The following GLMN variants were observed in gnomAD, a reference collection of about 807,000 sequenced individuals.
The protein encoded by GLMN is glomulin, FKBP associated protein.
A neutral mutation model predicts 87.8 loss-of-function variants in GLMN; 75 were observed. The ratio of observed to expected loss-of-function variants is 0.85; its 90% CI spans 0.71 to 1.04. The LOEUF (loss-of-function observed/expected upper bound fraction) is 1.04, where lower values mean the gene tolerates loss of function less well. Among genes scored for constraint, GLMN ranks in the 50% least tolerant of loss-of-function variants. GLMN has a pLI of 0.00. For synonymous variants in GLMN, 206 were observed against 221.6 expected (o/e 0.93, Z 0.63); for missense variants, 588 against 658.8 (o/e 0.89, Z 1.18).
At chr1:92,313,926 C>G in the GLMN span, among the ~76,000 whole-genome samples, 1 of 152,200 alleles carries the variant, frequency 6.6e-6, no homozygotes, top group Admixed American at 6.5e-5. Flanking sequence ...CCAAACTTTG[C>G]TATCTTCTAC....
chr1:92,273,148 AAGTCTTTTCC>A (rs1417802122), intron 7 of GLMN, among the ~76,000 whole-genome samples: 6 of 152,186 alleles, frequency 3.9e-5, no homozygotes, highest in African/African-American at 1.4e-4. Flanking sequence ...AGCCAAGTAT[AAGTCTTTTCC>A]AGCCTTCAGG....
intron 4 of GLMN, among the ~76,000 whole-genome samples, chr1:92,290,570 A>T (rs1649291145): frequency 6.6e-6 from 1 of 152,230 alleles, no homozygotes; most frequent in South Asian, 2.1e-4. Context: ...GTCCACTCTG[A>T]AATTGCCTTA....
chr1:92,338,726 C>T, the GLMN span, among the ~76,000 whole-genome samples: 1 of 150,536 alleles, frequency 6.6e-6, no homozygotes, highest in African/African-American at 2.5e-5. Context: ...TCATGGCTCA[C>T]TGCAGCCTTA....
At chr1:92,314,204 A>C in the GLMN span, among the ~76,000 whole-genome samples, 3 of 152,208 alleles carry the variant, frequency 2.0e-5, no homozygotes, top group Non-Finnish European at 4.4e-5. Flanking sequence ...TCAGCTTTTG[A>C]CATGCCTTCC....
At chr1:92,331,026 C>T in the GLMN span, among the ~76,000 whole-genome samples, 27 of 152,256 alleles carry the variant, frequency 1.8e-4, no homozygotes, top group Middle Eastern at 3.4e-3. Flanking sequence ...TTTTGGTCTG[C>T]TCATTCCATC....
upstream of GLMN, among the ~76,000 whole-genome samples, chr1:92,300,729 T>A (rs757255687): frequency 6.6e-6 from 1 of 152,196 alleles, no homozygotes; most frequent in Non-Finnish European, 1.5e-5. Flanking sequence ...GTAGCTATGA[T>A]TTTTATTTTG....
chr1:92,281,726 T>A (rs1193743384), intron 7 of GLMN, among the ~76,000 whole-genome samples: 2 of 151,392 alleles, frequency 1.3e-5, no homozygotes, highest in Non-Finnish European at 2.9e-5. Context: ...AGGAGACCCA[T>A]CTCACATGCA....
At chr1:92,324,505 G>A in the GLMN span, 1 of 735,154 alleles carries the variant, frequency 1.4e-6, no homozygotes, top group Middle Eastern at 2.5e-4. Context: ...TAGTCATTCT[G>A]CCTTTTGGTT....
chr1:92,350,317 ACT>A, the GLMN span, among the ~76,000 whole-genome samples: 4 of 152,160 alleles, frequency 2.6e-5, no homozygotes, highest in African/African-American at 9.7e-5. Flanking sequence ...ACAATTAAAG[ACT>A]CTCAAGCACT....
intron 3 of GLMN, among the ~76,000 whole-genome samples, chr1:92,292,713 G>A (rs1194814964): frequency 7.2e-6 from 1 of 139,368 alleles, no homozygotes; most frequent in African/African-American, 2.6e-5. Flanking sequence ...GTGAGCCACC[G>A]CACCCCGTCT....
chr1:92,275,443 T>A (rs1445480516), intron 7 of GLMN, among the ~76,000 whole-genome samples: 2 of 152,204 alleles, frequency 1.3e-5, no homozygotes, highest in African/African-American at 4.8e-5. Flanking sequence ...AGTTATCTCA[T>A]AAACACTTGT....
At chr1:92,349,372 C>A in the GLMN span, among the ~76,000 whole-genome samples, 2 of 152,050 alleles carry the variant, frequency 1.3e-5, no homozygotes, top group African/African-American at 4.8e-5. Context: ...TTTCAGAATT[C>A]CTCATGTGAA....
the GLMN span, among the ~76,000 whole-genome samples, chr1:92,360,409 C>A: frequency 6.6e-6 from 1 of 152,082 alleles, no homozygotes; most frequent in African/African-American, 2.4e-5. Context: ...GAGCAAATGC[C>A]GACTACTCTT....
At chr1:92,317,637 C>T in the GLMN span, among the ~76,000 whole-genome samples, 903 of 152,256 alleles carry the variant, frequency 5.9e-3, 7 homozygotes, top group African/African-American at 0.019. Context: ...AGTTGCACAA[C>T]AGTGTAAATA....
At chr1:92,363,407 ATAC>A in the GLMN span, among the ~76,000 whole-genome samples, 7 of 152,322 alleles carry the variant, frequency 4.6e-5, no homozygotes, top group African/African-American at 1.7e-4. Context: ...CAGGAGAGAA[ATAC>A]TACATCTTCT....
At chr1:92,259,430 G>T (rs1354987854) in intron 16 of GLMN, among the ~76,000 whole-genome samples, 1 of 152,190 alleles carries the variant, frequency 6.6e-6, no homozygotes, top group Non-Finnish European at 1.5e-5. Context: ...GCATGAAATA[G>T]TAGGGTGAGG....
chr1:92,248,538 T>TA (rs1652992785), intron 16 of GLMN: 1 of 152,888 alleles, frequency 6.5e-6, no homozygotes, highest in South Asian at 2.1e-4. Context: ...CATTTTCTCT[T>TA]ACAGTACTAA....
chr1:92,346,061 A>G, the GLMN span: 1 of 526,956 alleles, frequency 1.9e-6, no homozygotes, highest in Non-Finnish European at 3.3e-6. Flanking sequence ...CTATGTAAGA[A>G]AACAATTTTT....
At chr1:92,309,212 G>C in the GLMN span, among the ~76,000 whole-genome samples, 2 of 152,010 alleles carry the variant, frequency 1.3e-5, no homozygotes, top group Non-Finnish European at 2.9e-5. Context: ...GGGAGGCCGA[G>C]GGGGGCAGAT....
Sources: allele counts gnomAD v4.1 joint callset (sites outside exome capture counted in the v4.1 genomes callset), GRCh38; gene constraint gnomAD v4.1.1; transcripts MANE v1.5; gene names NCBI Gene and HGNC (gene_info 2026-07-23, HGNC 2026-07-21).